SPRR2G: variants seen among roughly 807,000 people sequenced by gnomAD.
SPRR2G encodes the protein small proline-rich protein 2G.
In SPRR2G, 1 loss-of-function variant was observed where a neutral mutation model predicts 0.7. The ratio of observed to expected loss-of-function variants is 1.49; its 90% CI spans 0.53 to 7.06. SPRR2G has a LOEUF of 7.06. Among genes scored for constraint, SPRR2G ranks in the 30% most tolerant of loss-of-function variants. The probability of loss-of-function intolerance (pLI) is 0.14; values close to 1 mark genes in which losing one functional copy is unlikely to be tolerated. For missense variants in SPRR2G, 96 were observed against 88.5 expected, an observed-to-expected ratio of 1.09 and a Z score of -0.34; for synonymous variants, 38 against 33.9, an observed-to-expected ratio of 1.12 and a Z score of -0.42.
the SPRR2G span, among the ~76,000 whole-genome samples, chr1:153,199,526 T>G: frequency 6.6e-6 from 1 of 152,180 alleles, no homozygotes; most frequent in Non-Finnish European, 1.5e-5. Flanking sequence ...TTCTTTCTCA[T>G]TCCTTTGCAG....
At chr1:153,184,812 GCA>G in the SPRR2G span, among the ~76,000 whole-genome samples, 2 of 152,096 alleles carry the variant, frequency 1.3e-5, no homozygotes, top group Non-Finnish European at 2.9e-5. Context: ...TCCAGTTTTT[GCA>G]CATTCAGTAT....
chr1:153,165,632 A>G, the SPRR2G span, among the ~76,000 whole-genome samples: 2 of 152,210 alleles, frequency 1.3e-5, no homozygotes, highest in African/African-American at 4.8e-5. Flanking sequence ...AGAGGTTAAG[A>G]AAACATATAT....
the SPRR2G span, among the ~76,000 whole-genome samples, chr1:153,169,573 A>AC: frequency 6.6e-6 from 1 of 151,484 alleles, no homozygotes; most frequent in East Asian, 1.9e-4. Flanking sequence ...TCAAAAAAAA[A>AC]AAAAGCCACC....
chr1:153,183,176 C>T, the SPRR2G span, among the ~76,000 whole-genome samples: 4 of 138,126 alleles, frequency 2.9e-5, no homozygotes, highest in Non-Finnish European at 4.7e-5. Context: ...TCAAGCGATT[C>T]TTTAAATTAT....
At chr1:153,164,852 A>G in the SPRR2G span, among the ~76,000 whole-genome samples, 1 of 152,226 alleles carries the variant, frequency 6.6e-6, no homozygotes, top group East Asian at 1.9e-4. Context: ...TAACAGCTGT[A>G]TGTTTAAGGA....
chr1:153,153,254 T>C (rs547834416), upstream of SPRR2G, among the ~76,000 whole-genome samples: 1 of 152,300 alleles, frequency 6.6e-6, no homozygotes, highest in South Asian at 2.1e-4. Flanking sequence ...TCAAAGTGTT[T>C]AAATATTTAA....
chr1:153,176,059 A>G, the SPRR2G span: 1 of 152,116 alleles, frequency 6.6e-6, no homozygotes, highest in African/African-American at 2.4e-5. Context: ...TCCATCTCAA[A>G]AAAAAAAATG....
At chr1:153,190,882 C>G in the SPRR2G span, 1 of 151,250 alleles carries the variant, frequency 6.6e-6, no homozygotes, top group South Asian at 2.1e-4. Flanking sequence ...TTTTTTTTCT[C>G]TCTCTGCTTC....
chr1:153,162,793 A>G, the SPRR2G span, among the ~76,000 whole-genome samples: 1 of 152,242 alleles, frequency 6.6e-6, no homozygotes, highest in Middle Eastern at 3.4e-3. Flanking sequence ...AATATATTTT[A>G]ATTTTCTATG....
the SPRR2G span, among the ~76,000 whole-genome samples, chr1:153,160,661 A>G: frequency 1.3e-5 from 2 of 152,124 alleles, no homozygotes; most frequent in Admixed American, 6.5e-5. Context: ...AACTAGTTCA[A>G]CCATTGTGGA....
chr1:153,171,358 A>G, the SPRR2G span, among the ~76,000 whole-genome samples: 6 of 152,318 alleles, frequency 3.9e-5, no homozygotes, highest in African/African-American at 1.4e-4. Context: ...TGGATTGCAT[A>G]TAAACATTCA....
At chr1:153,195,878 C>G in the SPRR2G span, among the ~76,000 whole-genome samples, 1 of 152,084 alleles carries the variant, frequency 6.6e-6, no homozygotes, top group Non-Finnish European at 1.5e-5. Context: ...CCCCAACTCT[C>G]ATGAGCAACA....
chr1:153,160,740 G>A, the SPRR2G span, among the ~76,000 whole-genome samples: 71,480 of 150,636 alleles, frequency 0.47, 18,114 homozygotes, highest in Non-Finnish European at 0.57. Context: ...CCCATTACTG[G>A]GTATATACCC....
the SPRR2G span, among the ~76,000 whole-genome samples, chr1:153,169,025 G>A: frequency 1.3e-5 from 2 of 152,174 alleles, no homozygotes; most frequent in Non-Finnish European, 2.9e-5. Flanking sequence ...AAGTGGACCC[G>A]CTCTTGGCCA....
chr1:153,167,843 A>G, the SPRR2G span, among the ~76,000 whole-genome samples: 2 of 152,238 alleles, frequency 1.3e-5, no homozygotes, highest in African/African-American at 4.8e-5. Context: ...ATAATATAGT[A>G]ATGTTTTTAA....
At chr1:153,176,388 C>T in the SPRR2G span, 3 of 152,198 alleles carry the variant, frequency 2.0e-5, no homozygotes, top group Non-Finnish European at 4.4e-5. Context: ...CTCCTACCCC[C>T]ACCTGTCCAA....
chr1:153,189,775 A>G, the SPRR2G span, among the ~76,000 whole-genome samples: 1 of 152,296 alleles, frequency 6.6e-6, no homozygotes, highest in African/African-American at 2.4e-5. Context: ...GGTCCAGGGA[A>G]GTTGCCAAGG....
the SPRR2G span, among the ~76,000 whole-genome samples, chr1:153,189,748 A>G: frequency 6.6e-6 from 1 of 152,226 alleles, no homozygotes; most frequent in Non-Finnish European, 1.5e-5. Context: ...GTTGTAAGTC[A>G]TAGGGGTAGT....
chr1:153,167,213 G>A, the SPRR2G span, among the ~76,000 whole-genome samples: 4 of 152,328 alleles, frequency 2.6e-5, no homozygotes, highest in Admixed American at 1.3e-4. Flanking sequence ...GGTGGCTCAT[G>A]CCTGTAATCC....
Sources: gnomAD v4.1 joint callset for allele counts (sites outside exome capture counted in the v4.1 genomes callset) on GRCh38, gnomAD v4.1.1 for gene constraint, MANE v1.5 for transcripts, NCBI Gene and HGNC (gene_info 2026-07-23, HGNC 2026-07-21) for gene names.